STK32B: variants seen among roughly 807,000 people sequenced by gnomAD.
STK32B encodes the protein serine/threonine kinase 32B, also known as serine/threonine-protein kinase 32B.
A neutral mutation model predicts 52.6 loss-of-function variants in STK32B; 43 were observed. The observed-to-expected ratio is 0.82, with a 90% CI of 0.64 to 1.05. The LOEUF is 1.05. Among genes scored for constraint, STK32B ranks in the 50% least tolerant of loss-of-function variants. The pLI is 0.00. For missense variants in STK32B, 621 were observed against 534.6 expected, an observed-to-expected ratio of 1.16 and a Z score of -1.59; for synonymous variants, 238 against 204.3, an observed-to-expected ratio of 1.17 and a Z score of -1.41.
intron 2 of STK32B, among the ~76,000 whole-genome samples, chr4:5,146,818 C>T (rs1716950092): frequency 6.6e-6 from 1 of 152,154 alleles, no homozygotes; most frequent in South Asian, 2.1e-4. Flanking sequence ...GTCTTAATTA[C>T]TGCAGGTTTC....
chr4:5,317,151 A>G (rs1420375096), intron 3 of STK32B, among the ~76,000 whole-genome samples: 1 of 42,946 alleles, frequency 2.3e-5, no homozygotes, highest in Non-Finnish European at 3.4e-5. Flanking sequence ...TATGTATAAT[A>G]TACATATTAC....
chr4:5,237,549 G>A (rs1031184590), intron 3 of STK32B, among the ~76,000 whole-genome samples: 2 of 152,198 alleles, frequency 1.3e-5, no homozygotes, highest in African/African-American at 4.8e-5. Context: ...TTTTCTCTGA[G>A]TCTTGATCAG....
chr4:5,111,247 C>T (rs915233258), intron 1 of STK32B, among the ~76,000 whole-genome samples: 4 of 152,170 alleles, frequency 2.6e-5, no homozygotes, highest in Non-Finnish European at 5.9e-5. Flanking sequence ...TTTGACTCAA[C>T]AACTCCACTA....
chr4:5,311,556 A>G (rs1238720359), intron 3 of STK32B, among the ~76,000 whole-genome samples: 7 of 152,150 alleles, frequency 4.6e-5, no homozygotes, highest in African/African-American at 1.7e-4. Flanking sequence ...GACAAACATA[A>G]AATGAAAGAA....
chr4:5,247,697 A>T (rs1475902249), intron 3 of STK32B, among the ~76,000 whole-genome samples: 1 of 151,966 alleles, frequency 6.6e-6, no homozygotes, highest in Non-Finnish European at 1.5e-5. Context: ...AGCTGTTCCT[A>T]TTTGGCCATC....
chr4:5,123,787 G>A (rs1715200227), intron 1 of STK32B, among the ~76,000 whole-genome samples: 9 of 152,000 alleles, frequency 5.9e-5, no homozygotes, highest in Admixed American at 5.9e-4. Context: ...GGTACTGGGG[G>A]TTAGGATTCA....
intron 2 of STK32B, among the ~76,000 whole-genome samples, chr4:5,161,038 C>G (rs559848063): frequency 2.0e-5 from 3 of 152,268 alleles, no homozygotes; most frequent in African/African-American, 7.2e-5. Context: ...CCTGGGGATC[C>G]ACAGTGAAGG....
chr4:5,136,760 A>G (rs1182427118), intron 1 of STK32B, among the ~76,000 whole-genome samples: 3 of 152,184 alleles, frequency 2.0e-5, no homozygotes, highest in African/African-American at 4.8e-5. Context: ...TCTGTTCATC[A>G]ACCAAGTGTT....
Position 5,500,023 on chromosome 4 carries a change from C to CTAT in STK32B, c.*942_*944dup. 1 of 152,336 alleles carries CTAT rather than the reference C, an allele frequency of 6.6e-6. No individual in the cohort carries two copies. Among genetic ancestry groups the CTAT allele is most frequent in the South Asian group, 2.1e-4 (1 of 4,822 alleles). The allele number at this position is 152,336 out of a possible 1,614,324, so 9.4% of individuals were successfully genotyped here. ...CAATCGGTATTGGTGGAGCGGCTCC[C>CTAT]TATTTATACAATAGGAAGCATGGGT... On this transcript the variant is annotated 3_prime_UTR_variant, in exon 12 of 12. Coordinates refer to ENST00000282908, the MANE Select transcript of STK32B (RefSeq NM_018401.3).
chr4:5,092,386 G>C (rs774938265), intron 1 of STK32B, among the ~76,000 whole-genome samples: 4 of 152,108 alleles, frequency 2.6e-5, no homozygotes, highest in Non-Finnish European at 5.9e-5. Flanking sequence ...ACAAGAACTA[G>C]CCCAGCGTTG....
At chr4:5,056,563 A>G (rs7673968) in intron 1 of STK32B, among the ~76,000 whole-genome samples, 8,142 of 152,316 alleles carry the variant, frequency 0.053, 692 homozygotes, top group African/African-American at 0.18. Flanking sequence ...CTTTATTCTC[A>G]GGCGGGCTCT....
At chr4:5,310,763 A>G (rs1340866215) in intron 3 of STK32B, among the ~76,000 whole-genome samples, 1 of 152,194 alleles carries the variant, frequency 6.6e-6, no homozygotes, top group Non-Finnish European at 1.5e-5. Flanking sequence ...AGCACTATTC[A>G]TAATAGCCAA....
intron 1 of STK32B, among the ~76,000 whole-genome samples, chr4:5,078,893 T>C (rs558399528): frequency 6.6e-6 from 1 of 152,348 alleles, no homozygotes; most frequent in Non-Finnish European, 1.5e-5. Context: ...GCACCGGTTT[T>C]AGTGTATTTC....
Position 5,499,126 on chromosome 4 carries a change from C to T in STK32B, c.*43C>T, listed in dbSNP as rs200052625. 8 of 1,552,676 alleles carry T rather than the reference C, an allele frequency of 5.2e-6. No individual in the cohort carries two copies. The highest frequency in any genetic ancestry group is 1.8e-5 in the Admixed American group (1 of 55,236). ...CTCAACAGGACTGCACTCGTCTCTG[C>T]CCTGCCCACCCAGAGCCCCTCTTTG... On this transcript the variant is annotated 3_prime_UTR_variant, in exon 12 of 12. Transcript: ENST00000282908.
Position 5,178,107 on chromosome 4 carries a change from G to T in STK32B, c.260+9657G>T, listed in dbSNP as rs185267111. Reference sequence around the variant, plus strand: ...TCCCTTCTGCATTGCCCTAGCAGAGGTTCTCCATAAGGGCTCTGCCCCTGC... The same window carrying T: ...TCCCTTCTGCATTGCCCTAGCAGAGTTTCTCCATAAGGGCTCTGCCCCTGC... On this transcript the variant is annotated intron_variant, in intron 3 of 11. Transcript: ENST00000282908. Among the ~76,000 whole-genome samples the T allele has an allele frequency of 4.5e-3, 680 of 152,316 alleles. 8 individuals carry two copies. The highest frequency in any genetic ancestry group is 2.1e-3 in the Non-Finnish European group (145 of 68,030).
At position 5,113,608 on chromosome 4, in the gene STK32B, T is replaced by G. The variant is rs113033929; in HGVS notation, c.53-26297T>G. Among the ~76,000 whole-genome samples, 957 of 152,326 alleles carry G rather than the reference T, an allele frequency of 6.3e-3. 14 individuals are homozygous for G. Among genetic ancestry groups the G allele is most frequent in the African/African-American group, 0.021 (885 of 41,558 alleles). ...AAACTGATCATATCACTCCATTTCT[T>G]TAACGTACACACACATTCTTCTACT... On this transcript the variant is annotated intron_variant, in intron 1 of 11. Coordinates refer to ENST00000282908, the MANE Select transcript of STK32B (RefSeq NM_018401.3).
intron 3 of STK32B, among the ~76,000 whole-genome samples, chr4:5,253,370 T>C (rs1037048118): frequency 2.0e-5 from 3 of 150,368 alleles, no homozygotes; most frequent in African/African-American, 7.3e-5. Flanking sequence ...ATGTTTAGAT[T>C]TGTTGTTGTT....
intron 1 of STK32B, among the ~76,000 whole-genome samples, chr4:5,097,991 C>T (rs1050556651): frequency 6.6e-6 from 1 of 152,228 alleles, no homozygotes; most frequent in African/African-American, 2.4e-5. Flanking sequence ...CTATAACAGC[C>T]TTGGCCGGGA....
At chr4:5,179,006 A>G (rs1448630430) in intron 3 of STK32B, among the ~76,000 whole-genome samples, 4 of 152,200 alleles carry the variant, frequency 2.6e-5, no homozygotes, top group African/African-American at 9.6e-5. Context: ...AATGTACTGT[A>G]TTCATCAGTT....
Sources: allele counts gnomAD v4.1 joint callset (sites outside exome capture counted in the v4.1 genomes callset), GRCh38; gene constraint gnomAD v4.1.1; transcripts MANE v1.5; gene names NCBI Gene and HGNC (gene_info 2026-07-23, HGNC 2026-07-21).